The following MMP16 variants were observed in gnomAD, a reference collection of about 807,000 sequenced individuals.
MMP16 encodes the protein matrix metalloproteinase-16.
MMP16 carries 12 observed loss-of-function variants against 67.8 expected under a neutral mutation model. The ratio of observed to expected loss-of-function variants is 0.18; its 90% CI spans 0.11 to 0.29. The LOEUF (loss-of-function observed/expected upper bound fraction) is 0.29. Ranked by LOEUF, MMP16 falls within the 10% of genes least tolerant of loss-of-function variation. The probability of loss-of-function intolerance (pLI) is 1.00; values close to 1 mark genes in which losing one functional copy is unlikely to be tolerated. For missense variants in MMP16, 475 were observed against 765.7 expected, an observed-to-expected ratio of 0.62 and a Z score of 4.48; for synonymous variants, 249 against 255.9, an observed-to-expected ratio of 0.97 and a Z score of 0.26.
rs1261019049 is a variant in MMP16 at position 88,034,024 on chromosome 8, C to G, written c.*7437G>C. ...ATCAACAGGCAATACCCATCATACT[C>G]AGCATTTCACTTTTCTCAGGGGAAT... On this transcript the variant is annotated 3_prime_UTR_variant, in exon 10 of 10. Coordinates refer to ENST00000286614, the MANE Select transcript of MMP16 (RefSeq NM_005941.5). 1 of 151,958 alleles carries G rather than the reference C, an allele frequency of 6.6e-6. No homozygotes were observed. Among genetic ancestry groups the G allele is most frequent in the African/African-American group, 2.4e-5 (1 of 41,402 alleles). The allele number at this position is 151,958 out of a possible 1,614,324, so 9.4% of individuals were successfully genotyped here. A position where few individuals can be genotyped will look rare whatever the true frequency, so the allele number is the denominator to read the frequency against.
rs528392003 is a variant in MMP16, at chr8:88,160,108, C to T, written c.709+7561G>A. Among the ~76,000 whole-genome samples, 6 of 152,024 alleles carry T rather than the reference C, an allele frequency of 3.9e-5. No individual in the cohort carries two copies. The East Asian group carries it at 9.7e-4, about 25-fold the overall frequency. ...TTAGCATTAGGTATATCTCCTAATGCTATCCCTCCCCCTTCCCCCAATCCC... is the reference window on the plus strand; with the variant it reads ...TTAGCATTAGGTATATCTCCTAATGTTATCCCTCCCCCTTCCCCCAATCCC... On this transcript the variant is annotated intron_variant, in intron 4 of 9. Coordinates refer to ENST00000286614, the MANE Select transcript of MMP16 (RefSeq NM_005941.5).
At chr8:88,107,734 ATT>A (rs1158474779) in intron 6 of MMP16, among the ~76,000 whole-genome samples, 1 of 151,054 alleles carries the variant, frequency 6.6e-6, no homozygotes, top group African/African-American at 2.4e-5. Context: ...TTATATTGCT[ATT>A]GTGTTGAGAT....
intron 1 of MMP16, among the ~76,000 whole-genome samples, chr8:88,250,722 G>A (rs912584287): frequency 6.6e-6 from 1 of 151,206 alleles, no homozygotes; most frequent in Non-Finnish European, 1.5e-5. Context: ...AGCCCTCAGT[G>A]CCTGTAATTC....
intron 3 of MMP16, among the ~76,000 whole-genome samples, chr8:88,175,910 CT>C (rs1808882122): frequency 6.6e-6 from 1 of 152,198 alleles, no homozygotes. Flanking sequence ...CTCTTGCCTG[CT>C]GCCATGTAAG....
At position 88,035,818 on chromosome 8, in the gene MMP16, G is replaced by A. The variant is rs1808047047; in HGVS notation, c.*5643C>T. On this transcript the variant is annotated 3_prime_UTR_variant, in exon 10 of 10. Coordinates refer to ENST00000286614, the MANE Select transcript of MMP16 (RefSeq NM_005941.5). This position sits in a 1 kb window ranked among gnomAD's most constrained non-coding sequence, Gnocchi z 4.7. ...TATGTCCAATCAGTGTTCATTCTTAGGCTTTCTATACTATTGGTTTAACTT... is the reference window on the plus strand; with the variant it reads ...TATGTCCAATCAGTGTTCATTCTTAAGCTTTCTATACTATTGGTTTAACTT... 1 of 151,824 alleles carries A rather than the reference G, an allele frequency of 6.6e-6. No individual in the cohort carries two copies. The highest frequency in any genetic ancestry group is 1.5e-5 in the Non-Finnish European group (1 of 67,856). 9.4% of individuals were successfully genotyped at this position (151,824 alleles called of 1,614,324 possible).
intron 9 of MMP16, among the ~76,000 whole-genome samples, chr8:88,044,326 G>A (rs1305044961): frequency 6.6e-6 from 1 of 152,174 alleles, no homozygotes; most frequent in African/African-American, 2.4e-5. Context: ...GAAAACAAAT[G>A]TCTAGTTACT....
At chr8:88,218,225 TG>T (rs1451956525) in intron 1 of MMP16, among the ~76,000 whole-genome samples, 1 of 151,910 alleles carries the variant, frequency 6.6e-6, no homozygotes, top group Non-Finnish European at 1.5e-5. Flanking sequence ...AGTACAGTAG[TG>T]GGAAAATATG....
At chr8:88,144,158 T>G (rs1198262423) in intron 4 of MMP16, among the ~76,000 whole-genome samples, 3 of 152,014 alleles carry the variant, frequency 2.0e-5, no homozygotes, top group Non-Finnish European at 4.4e-5. Context: ...AAGTACTTAA[T>G]ATGCATACAA....
At position 88,073,087 on chromosome 8, in the gene MMP16, G is replaced by A. The variant is rs190500986; in HGVS notation, c.1222+1518C>T. On this transcript the variant is annotated intron_variant, in intron 7 of 9. Coordinates refer to ENST00000286614, the MANE Select transcript of MMP16 (RefSeq NM_005941.5). The stretch of plus-strand genomic sequence containing the variant: ...TCCTGTGAGGAGACAGGGCCTCCTG[G>A]GACGGTCCCCAAGTGGAAGGCTAGT... 2.2e-4 allele frequency among the ~76,000 whole-genome samples: 34 copies of A among 152,262 alleles called. No homozygotes were observed. In the East Asian group the frequency reaches 6.2e-3, roughly 28 times the overall value.
chr8:88,183,213 T>G (rs1232053477), intron 3 of MMP16, among the ~76,000 whole-genome samples: 3 of 152,200 alleles, frequency 2.0e-5, no homozygotes, highest in Non-Finnish European at 2.9e-5. Context: ...GTGGTAATAA[T>G]GTACTAGTAC....
intron 6 of MMP16, among the ~76,000 whole-genome samples, chr8:88,077,422 G>A (rs1398623407): frequency 2.6e-5 from 4 of 152,132 alleles, no homozygotes; most frequent in East Asian, 3.9e-4. Flanking sequence ...TAGAACTGAA[G>A]TTCCTCACTG....
At chr8:88,256,022 T>G (rs2129936096) in intron 1 of MMP16, among the ~76,000 whole-genome samples, 1 of 152,330 alleles carries the variant, frequency 6.6e-6, no homozygotes, top group African/African-American at 2.4e-5. Flanking sequence ...CAGCTTATTT[T>G]TGTAATATGT....
At chr8:88,286,653 G>A (rs1005221838) in intron 1 of MMP16, among the ~76,000 whole-genome samples, 1 of 151,828 alleles carries the variant, frequency 6.6e-6, no homozygotes, top group African/African-American at 2.4e-5. Flanking sequence ...TTTGCTCACT[G>A]CAAGCTCCAC....
At chr8:88,172,362 T>C (rs1808817738) in intron 3 of MMP16, among the ~76,000 whole-genome samples, 1 of 152,138 alleles carries the variant, frequency 6.6e-6, no homozygotes, top group Non-Finnish European at 1.5e-5. Flanking sequence ...GATATACAAG[T>C]ATGCTTCAAA....
intron 1 of MMP16, among the ~76,000 whole-genome samples, chr8:88,254,461 A>G (rs1051693227): frequency 6.6e-6 from 1 of 152,058 alleles, no homozygotes; most frequent in African/African-American, 2.4e-5. Flanking sequence ...TTAAAATAAA[A>G]GTTAAAAAGG....
At position 88,212,006 on chromosome 8, in the gene MMP16, C is replaced by T. The variant is rs186905141; in HGVS notation, c.133-14700G>A. ...TGGGTCACAGAATGTGCCTCCTGGG[C>T]TTCACCTATGTTCACACTGGCCCCA... On this transcript the variant is annotated intron_variant, in intron 1 of 9. Coordinates refer to ENST00000286614, the MANE Select transcript of MMP16 (RefSeq NM_005941.5). 6.5e-4 allele frequency among the ~76,000 whole-genome samples: 98 copies of T among 149,726 alleles called. No homozygotes were observed. The East Asian group carries it at 0.019, about 30-fold the overall frequency.
intron 1 of MMP16, among the ~76,000 whole-genome samples, chr8:88,306,797 T>C (rs1164736658): frequency 2.0e-5 from 3 of 152,140 alleles, no homozygotes; most frequent in African/African-American, 7.2e-5. Context: ...ATAAGAGCCA[T>C]ATATTTCAAA....
intron 4 of MMP16, among the ~76,000 whole-genome samples, chr8:88,131,295 A>ACACACACACACT (rs397711519): frequency 6.6e-6 from 1 of 151,124 alleles, no homozygotes; most frequent in Non-Finnish European, 1.5e-5. Context: ...ACACACACAC[A>ACACACACACACT]ATCTTCCATA....
intron 1 of MMP16, among the ~76,000 whole-genome samples, chr8:88,238,180 T>C (rs1409201429): frequency 1.3e-5 from 2 of 152,114 alleles, no homozygotes; most frequent in East Asian, 1.9e-4. Context: ...GTCAATGTCA[T>C]GTATAAGGGG....
Sources: allele counts gnomAD v4.1 joint callset (sites outside exome capture counted in the v4.1 genomes callset), GRCh38; gene constraint gnomAD v4.1.1; non-coding constraint Gnocchi (gnomAD v3.1); transcripts MANE v1.5; gene names NCBI Gene and HGNC (gene_info 2026-07-23, HGNC 2026-07-21).